Variants in THAP6 observed in about 807,000 individuals in gnomAD.
THAP6 encodes the protein THAP domain containing 6, also known as THAP domain-containing protein 6.
THAP6 carries 13 observed loss-of-function variants against 20.0 expected under a neutral mutation model. The ratio of observed to expected loss-of-function variants is 0.65; its 90% CI spans 0.42 to 1.03. The LOEUF is 1.03. Among genes scored for constraint, THAP6 ranks in the 50% least tolerant of loss-of-function variants. The pLI is 0.00. For synonymous variants in THAP6, 93 were observed against 92.2 expected (o/e 1.01, Z -0.05); for missense variants, 262 against 261.6 (o/e 1.00, Z -0.01).
intron 3 of THAP6, among the ~76,000 whole-genome samples, chr4:75,545,390 G>C (rs185372374): frequency 6.6e-6 from 1 of 152,292 alleles, no homozygotes; most frequent in East Asian, 1.9e-4. Context: ...CAGGCCTCAG[G>C]CTCCTGCTCT....
At chr4:75,545,417 A>G (rs17000629) in intron 3 of THAP6, among the ~76,000 whole-genome samples, 54,041 of 152,032 alleles carry the variant, frequency 0.36, 10,071 homozygotes, top group African/African-American at 0.46. Context: ...TGAAGGAACT[A>G]GAGGTGTGGT....
Position 75,521,785 on chromosome 4 carries a change from T to A in THAP6, c.338T>A (p.Val113Asp). ...AGAAAAAACTTCACCCTCAAAACCG[T>A]TCCAGCCACTAACTACAATCACCAT... The part of the protein sequence containing the change: ...HCRKNFTLKT[V>D]PATNYNHHLV... Residue 113 changes from valine (V) to aspartate (D), a missense_variant, in exon 4 of 5, where the codon GTT becomes GAT. By Grantham distance (152) the Val-to-Asp change is radical. Coordinates refer to ENST00000311638, the MANE Select transcript of THAP6 (RefSeq NM_144721.6). The A allele has an allele frequency of 6.2e-7, 1 of 1,613,388 alleles. No homozygotes were observed. The highest frequency in any genetic ancestry group is 8.5e-7 in the Non-Finnish European group (1 of 1,179,558).
chr4:75,542,735 G>C (rs1727040525), intron 3 of THAP6: 1 of 345,462 alleles, frequency 2.9e-6, no homozygotes, highest in Admixed American at 4.5e-5. Context: ...GTTTTGTTTT[G>C]TCTTTTTTTA....
intron 2 of THAP6, among the ~76,000 whole-genome samples, chr4:75,537,088 T>C (rs1393111399): frequency 6.6e-6 from 1 of 151,752 alleles, no homozygotes; most frequent in Non-Finnish European, 1.5e-5. Flanking sequence ...CAAGAAGAAA[T>C]AGATAAATTT....
downstream of THAP6, among the ~76,000 whole-genome samples, chr4:75,534,269 C>T (rs1482376568): frequency 1.3e-5 from 2 of 152,112 alleles, no homozygotes; most frequent in Non-Finnish European, 2.9e-5. Flanking sequence ...ACATCTACAA[C>T]CATCTGACCT....
intron 2 of THAP6, among the ~76,000 whole-genome samples, chr4:75,537,510 C>T (rs549032169): frequency 1.3e-5 from 2 of 152,084 alleles, no homozygotes; most frequent in South Asian, 2.1e-4. Flanking sequence ...TCTTAAGATG[C>T]GACTTTCTTC....
In THAP6 at chr4:75,546,146, G is replaced by C. The variant is rs138874484; in HGVS notation, c.244-3459G>C. ...GTTGTATCCAAACCCAGTGTCTTCA[G>C]TTTGAGCTCTCTGAAATTCCAAACA... On this transcript the variant is annotated intron_variant, in intron 3 of 4. Transcript: ENST00000502620. Among the ~76,000 whole-genome samples, 249 of 152,324 alleles carry C rather than the reference G, an allele frequency of 1.6e-3. 3 individuals carry two copies. Among genetic ancestry groups the C allele is most frequent in the African/African-American group, 5.7e-3 (236 of 41,572 alleles).
Position 75,528,085 on chromosome 4 carries a change from A to G in THAP6, c.*871A>G. On this transcript the variant is annotated 3_prime_UTR_variant, in exon 5 of 5. Coordinates refer to ENST00000311638, the MANE Select transcript of THAP6 (RefSeq NM_144721.6). ...ATTGCTGACATTTTAAAAAAATACA[A>G]AATACAAAAGAAACCATTAGAAATT... The G allele has an allele frequency of 1.0e-6, 1 of 984,670 alleles. No homozygotes were observed. The highest frequency in any genetic ancestry group is 1.1e-4 in the East Asian group (1 of 8,818). 61.0% of individuals were successfully genotyped at this position (984,670 alleles called of 1,614,324 possible).
rs1726621382 is a variant in THAP6 at position 75,529,939 on chromosome 4, A to T, written c.*2725A>T. The T allele has an allele frequency of 1.1e-6, 1 of 876,868 alleles. No individual in the cohort carries two copies. The highest frequency in any genetic ancestry group is 1.8e-5 in the African/African-American group (1 of 55,216). 54.3% of individuals were successfully genotyped at this position (876,868 alleles called of 1,614,324 possible). ...ATGTATTTAATATATATTTAGTTTT[A>T]ATAAAAAGATAAAATTATTACAGAA... On this transcript the variant is annotated 3_prime_UTR_variant, in exon 5 of 5. Coordinates refer to ENST00000311638, the MANE Select transcript of THAP6 (RefSeq NM_144721.6).
At chr4:75,536,781 C>T (rs1726868477) in intron 2 of THAP6, among the ~76,000 whole-genome samples, 1 of 152,164 alleles carries the variant, frequency 6.6e-6, no homozygotes, top group Admixed American at 6.5e-5. Flanking sequence ...ATCTGCCCAC[C>T]TCGGCCTCCC....
rs1358301665 is a variant in THAP6 at position 75,527,017 on chromosome 4, G to A, written c.472G>A (p.Val158Met). Residue 158 changes from valine (V) to methionine (M), a missense_variant, in exon 5 of 5, where the codon GTG (valine) becomes ATG (methionine). Coordinates refer to ENST00000311638, the MANE Select transcript of THAP6 (RefSeq NM_144721.6). ...PKKLKHKLDH[V>M]IGELEDTKES... ...GAAACTTAAGCATAAATTAGATCATGTGATCGGCGAGCTAGAGGATACAAA... is the reference window on the plus strand; with the variant it reads ...GAAACTTAAGCATAAATTAGATCATATGATCGGCGAGCTAGAGGATACAAA... 3.1e-6 allele frequency: 5 copies of A among 1,613,982 alleles called. No homozygotes were observed. Among genetic ancestry groups the A allele is most frequent in the African/African-American group, 1.3e-5 (1 of 74,942 alleles).
intron 3 of THAP6, among the ~76,000 whole-genome samples, chr4:75,520,411 C>G (rs1240838759): frequency 2.0e-5 from 3 of 152,152 alleles, no homozygotes; most frequent in Non-Finnish European, 4.4e-5. Context: ...TTCCAAAGTA[C>G]TTTTGCAAAT....
chr4:75,514,174 G>C, upstream of THAP6: 1 of 1,596,784 alleles, frequency 6.3e-7, no homozygotes. Flanking sequence ...GCTTGTCAGG[G>C]AAGAGTCCAT....
At chr4:75,523,800 C>CA (rs74684663) in intron 4 of THAP6, among the ~76,000 whole-genome samples, 5,367 of 72,336 alleles carry the variant, frequency 0.074, 173 homozygotes, top group African/African-American at 0.12. Flanking sequence ...GAACCTGTCT[C>CA]AAAAAAAAAA....
chr4:75,538,706 G>T (rs1726932564), intron 2 of THAP6, among the ~76,000 whole-genome samples: 1 of 152,152 alleles, frequency 6.6e-6, no homozygotes, highest in South Asian at 2.1e-4. Flanking sequence ...TTTAACAACT[G>T]TCACAGCTCC....
chr4:75,544,886 T>C (rs1029781652), intron 3 of THAP6, among the ~76,000 whole-genome samples: 3 of 152,152 alleles, frequency 2.0e-5, no homozygotes. Flanking sequence ...ATCACAGGGC[T>C]CTCACTGCAA....
Position 75,527,707 on chromosome 4 carries a change from C to G in THAP6, c.*493C>G. 1.0e-6 allele frequency: 1 copy of G among 989,972 alleles called. No individual in the cohort carries two copies. The highest frequency in any genetic ancestry group is 1.2e-6 in the Non-Finnish European group (1 of 832,590). 61.3% of individuals were successfully genotyped at this position (989,972 alleles called of 1,614,324 possible). A position where few individuals can be genotyped will look rare whatever the true frequency, so the allele number is the denominator to read the frequency against. Reference sequence around the variant, plus strand: ...CAAGGTGCTTTAGCTATCAGTAGTACCAAAGGATCTTTTTACAAGGCTTCC... The same window carrying G: ...CAAGGTGCTTTAGCTATCAGTAGTAGCAAAGGATCTTTTTACAAGGCTTCC... On this transcript the variant is annotated 3_prime_UTR_variant, in exon 5 of 5. Coordinates refer to ENST00000311638, the MANE Select transcript of THAP6 (RefSeq NM_144721.6).
intron 3 of THAP6, among the ~76,000 whole-genome samples, chr4:75,517,950 A>T (rs1725766183): frequency 6.6e-6 from 1 of 152,164 alleles, no homozygotes; most frequent in East Asian, 1.9e-4. Flanking sequence ...ATTGAAAGGG[A>T]TCTCCTTCCT....
chr4:75,544,786 G>A (rs533986832), intron 3 of THAP6: 1 of 151,664 alleles, frequency 6.6e-6, no homozygotes, highest in Admixed American at 6.6e-5. Flanking sequence ...CTTTTAATCT[G>A]TAGGTTCCCA....
Sources: gnomAD v4.1 joint callset for allele counts (sites outside exome capture counted in the v4.1 genomes callset) on GRCh38, gnomAD v4.1.1 for gene constraint, MANE v1.5 for transcripts, NCBI Gene and HGNC (gene_info 2026-07-23, HGNC 2026-07-21) for gene names.